The following SLC16A10 variants were observed in gnomAD, a reference collection of about 807,000 sequenced individuals.
SLC16A10 encodes solute carrier family 16 member 10, also known as monocarboxylate transporter 10.
Under a neutral mutation model 40.0 loss-of-function variants are expected in SLC16A10, and 27 were observed. The ratio of observed to expected loss-of-function variants is 0.67; its 90% confidence interval spans 0.50 to 0.93. SLC16A10 has a LOEUF of 0.93. Ranked by LOEUF, SLC16A10 falls within the 40% of genes least tolerant of loss-of-function variation. The pLI is 0.00. For missense variants in SLC16A10, 529 were observed against 658.2 expected, an observed-to-expected ratio of 0.80 and a Z score of 2.15; for synonymous variants, 213 against 249.8, an observed-to-expected ratio of 0.85 and a Z score of 1.39.
intron 1 of SLC16A10, among the ~76,000 whole-genome samples, chr6:111,159,123 G>T (rs1051554754): frequency 6.7e-6 from 1 of 148,738 alleles, no homozygotes; most frequent in African/African-American, 2.5e-5. Flanking sequence ...GCCCAGCTGT[G>T]GTCCCGTGTA....
At chr6:111,158,912 C>G (rs993964045) in intron 1 of SLC16A10, among the ~76,000 whole-genome samples, 1 of 151,174 alleles carries the variant, frequency 6.6e-6, no homozygotes, top group Admixed American at 6.6e-5. Flanking sequence ...AAGGCAAAAC[C>G]CTGTCTCTAC....
intron 1 of SLC16A10, among the ~76,000 whole-genome samples, chr6:111,159,437 T>G (rs1772331720): frequency 6.6e-6 from 1 of 152,226 alleles, no homozygotes; most frequent in African/African-American, 2.4e-5. Flanking sequence ...ATGTGGTGCA[T>G]GTACATGTTG....
At chr6:111,130,128 C>A (rs1353573122) in intron 1 of SLC16A10, among the ~76,000 whole-genome samples, 1 of 152,162 alleles carries the variant, frequency 6.6e-6, no homozygotes, top group Non-Finnish European at 1.5e-5. Context: ...GCTTCTAACA[C>A]TTATTTGTGT....
At chr6:111,166,590 C>T (rs964587564) in intron 1 of SLC16A10, among the ~76,000 whole-genome samples, 15 of 152,190 alleles carry the variant, frequency 9.9e-5, no homozygotes, top group African/African-American at 3.6e-4. Flanking sequence ...GTTGGAGCTA[C>T]CAAAGGGCAA....
rs35972955 is a variant in SLC16A10, at chr6:111,128,349, A to G, written c.343+40254A>G. 5.4e-3 allele frequency among the ~76,000 whole-genome samples: 829 copies of G among 152,324 alleles called. 4 individuals are homozygous for G. Among genetic ancestry groups the G allele is most frequent in the Middle Eastern group, 0.027 (8 of 294 alleles). On this transcript the variant is annotated intron_variant, in intron 1 of 5. Transcript: ENST00000368851. ...ATTAATCTGTTTGAGGTCCCGTAGC[A>G]GGTCAGTGATGCCAGGGTTCAAACC...
rs918507508 is a variant in SLC16A10 at position 111,227,637 on chromosome 6, A to G, written c.*5402A>G. The G allele has an allele frequency of 1.3e-5, 2 of 152,196 alleles. No homozygotes were observed. Among genetic ancestry groups the G allele is most frequent in the Admixed American group, 6.6e-5 (1 of 15,266 alleles). The allele number at this position is 152,196 out of a possible 1,614,324, so 9.4% of individuals were successfully genotyped here. On this transcript the variant is annotated 3_prime_UTR_variant, in exon 6 of 6. Transcript: ENST00000368851. ...TTCAAGGACACCTCTTTTAAAGTTC[A>G]GTGTTCCATACTAAAGGGGTGTAAT...
intron 1 of SLC16A10, among the ~76,000 whole-genome samples, chr6:111,147,807 T>C (rs1419511591): frequency 2.0e-5 from 3 of 152,296 alleles, no homozygotes; most frequent in African/African-American, 7.2e-5. Context: ...GATGTGGAGT[T>C]GTACTTCTCT....
In SLC16A10 at chr6:111,127,568, A is replaced by G. The variant is rs996030364; in HGVS notation, c.343+39473A>G. On this transcript the variant is annotated intron_variant, in intron 1 of 5. Transcript: ENST00000368851. ...CAGGTACTGTGAAGGAAATAATGGTATAGAAGAAATATGTCTTTCTTGCTA... is the reference window on the plus strand; with the variant it reads ...CAGGTACTGTGAAGGAAATAATGGTGTAGAAGAAATATGTCTTTCTTGCTA... 6.6e-5 allele frequency among the ~76,000 whole-genome samples: 10 copies of G among 152,218 alleles called. No homozygotes were observed. The South Asian group carries it at 1.0e-3, about 16-fold the overall frequency.
At chr6:111,215,414 T>TAAAAAAAAAAAAAAAAAAAA (rs34294985) in intron 4 of SLC16A10, among the ~76,000 whole-genome samples, 1 of 128,104 alleles carries the variant, frequency 7.8e-6, no homozygotes, top group African/African-American at 2.9e-5. Flanking sequence ...GTACTGGTGT[T>TAAAAAAAAAAAAAAAAAAAA]AAAAAAAAAA....
At chr6:111,096,055 T>C (rs977680995) in intron 1 of SLC16A10, among the ~76,000 whole-genome samples, 1 of 152,212 alleles carries the variant, frequency 6.6e-6, no homozygotes, top group African/African-American at 2.4e-5. Context: ...ATATCAGTAT[T>C]TACTTTTATT....
intron 3 of SLC16A10, among the ~76,000 whole-genome samples, chr6:111,186,587 G>T (rs1423382583): frequency 6.6e-6 from 1 of 152,108 alleles, no homozygotes. Flanking sequence ...AACATCTAGG[G>T]CATCCTTTGG....
intron 1 of SLC16A10, among the ~76,000 whole-genome samples, chr6:111,103,901 C>T (rs567536985): frequency 3.8e-4 from 58 of 152,288 alleles, no homozygotes; most frequent in African/African-American, 1.3e-3. Flanking sequence ...TTTGTTTAAT[C>T]TATCCAGTAA....
intron 3 of SLC16A10, chr6:111,178,610 G>A (rs907407886): frequency 7.0e-5 from 19 of 270,486 alleles, no homozygotes; most frequent in African/African-American, 4.0e-4. Context: ...CCCTGGCAAC[G>A]TTTGTTCAAA....
At chr6:111,138,075 AAAACC>A (rs780263502) in intron 1 of SLC16A10, among the ~76,000 whole-genome samples, 29 of 152,358 alleles carry the variant, frequency 1.9e-4, no homozygotes, top group African/African-American at 4.3e-4. Context: ...CAACTGCACA[AAAACC>A]AAACCAAACC....
rs1296357297 is a variant in SLC16A10, at chr6:111,229,020, ACT to A, written c.*6788_*6789del. 2.1e-5 allele frequency: 2 copies of A among 96,856 alleles called. No individual in the cohort carries two copies. The highest frequency in any genetic ancestry group is 1.5e-4 in the Admixed American group (1 of 6,760). The allele number at this position is 96,856 out of a possible 1,614,324, so 6.0% of individuals were successfully genotyped here. On this transcript the variant is annotated 3_prime_UTR_variant, in exon 6 of 6. Coordinates refer to ENST00000368851, the MANE Select transcript of SLC16A10 (RefSeq NM_018593.5). Reference sequence around the variant, plus strand: ...CTCCAGCCTGGGCAACAAGAGCAAAACTCTGTCTCAAAAAAAAAAAAAAAAAA... The same window carrying A: ...CTCCAGCCTGGGCAACAAGAGCAAAACTGTCTCAAAAAAAAAAAAAAAAAA...
chr6:111,222,320 T>C lies in SLC16A10; in HGVS notation c.*85T>C. 2 of 1,479,782 alleles carry C rather than the reference T, an allele frequency of 1.4e-6. No homozygotes were observed. The highest frequency in any genetic ancestry group is 2.9e-5 in the Admixed American group (1 of 34,392). 91.7% of individuals were successfully genotyped at this position (1,479,782 alleles called of 1,614,324 possible). A position where few individuals can be genotyped will look rare whatever the true frequency, so the allele number is the denominator to read the frequency against. On this transcript the variant is annotated 3_prime_UTR_variant, in exon 6 of 6. Transcript: ENST00000368851. Reference sequence around the variant, plus strand: ...CCTTTTATACAAATTGCAAATTTCATATTTTTTTAATCACATCCTAGGAAT... The same window carrying C: ...CCTTTTATACAAATTGCAAATTTCACATTTTTTTAATCACATCCTAGGAAT...
chr6:111,193,421 C>G, intron 3 of SLC16A10: 1 of 626,406 alleles, frequency 1.6e-6, no homozygotes, highest in Non-Finnish European at 2.0e-6. Context: ...ATTTATCTGA[C>G]CACTTGTTTA....
chr6:111,101,997 G>T (rs1418918503), intron 1 of SLC16A10, among the ~76,000 whole-genome samples: 1 of 152,124 alleles, frequency 6.6e-6, no homozygotes, highest in African/African-American at 2.4e-5. Context: ...ACATTTTTCT[G>T]TATCTCATAA....
At chr6:111,090,068 A>G (rs1037351773) in intron 1 of SLC16A10, among the ~76,000 whole-genome samples, 4 of 151,614 alleles carry the variant, frequency 2.6e-5, no homozygotes, top group African/African-American at 9.7e-5. Context: ...CAATATCCCA[A>G]TACTGGGTAG....
Sources: allele counts gnomAD v4.1 joint callset (sites outside exome capture counted in the v4.1 genomes callset), GRCh38; gene constraint gnomAD v4.1.1; transcripts MANE v1.5; gene names NCBI Gene and HGNC (gene_info 2026-07-23, HGNC 2026-07-21).